STPG2: variants seen among roughly 807,000 people sequenced by gnomAD.
STPG2 encodes sperm-tail PG-rich repeat-containing protein 2.
In STPG2, 56 loss-of-function variants were observed where a neutral mutation model predicts 54.2. The ratio of observed to expected loss-of-function variants is 1.03; its 90% CI spans 0.83 to 1.29. STPG2 has a LOEUF of 1.29. Among genes scored for constraint, STPG2 ranks in the 50% most tolerant of loss-of-function variants. STPG2 has a pLI of 0.00. For missense variants in STPG2, 596 were observed against 544.9 expected (o/e 1.09, Z -0.93); for synonymous variants, 200 against 181.8 (o/e 1.10, Z -0.81).
chr4:97,557,344 C>A (rs1299740783), downstream of STPG2, among the ~76,000 whole-genome samples: 2 of 152,026 alleles, frequency 1.3e-5, no homozygotes, highest in East Asian at 3.9e-4. Context: ...GAAAGGGAGT[C>A]AAAACAGTCC....
chr4:97,975,935 C>G (rs1280083482), intron 6 of STPG2, among the ~76,000 whole-genome samples: 3 of 152,144 alleles, frequency 2.0e-5, no homozygotes, highest in African/African-American at 7.2e-5. Flanking sequence ...GGTAGAATCT[C>G]TTTTCTCATC....
Position 98,130,935 on chromosome 4 carries a change from AAAAACAAAAAAAAAAC to A in STPG2, c.223-2359_223-2344del, listed in dbSNP as rs969326190. Among the ~76,000 whole-genome samples, 10 of 146,334 alleles carry A rather than the reference AAAAACAAAAAAAAAAC, an allele frequency of 6.8e-5. 1 individual carries two copies. In the South Asian group the frequency reaches 1.1e-3, roughly 16 times the overall value. On this transcript the variant is annotated intron_variant, in intron 2 of 10. Coordinates refer to ENST00000295268, the MANE Select transcript of STPG2 (RefSeq NM_174952.3). ...AGACTCCGTCTCAAAAAAAAAAAAA[AAAAACAAAAAAAAAAC>A]GACTTTCCAAAATATAGCCCCTACC...
At chr4:97,968,253 C>T (rs907132636) in intron 7 of STPG2, among the ~76,000 whole-genome samples, 1 of 151,878 alleles carries the variant, frequency 6.6e-6, no homozygotes. Context: ...TTTTGAATCA[C>T]TGAATCGACC....
chr4:97,888,403 C>G (rs1730657562), intron 8 of STPG2, among the ~76,000 whole-genome samples: 1 of 152,194 alleles, frequency 6.6e-6, no homozygotes, highest in Non-Finnish European at 1.5e-5. Flanking sequence ...CCCCTTGCAC[C>G]AGTGTGCTCT....
chr4:97,861,404 T>A lies in STPG2; in HGVS notation c.1045-20472A>T, dbSNP rs377565846. Among the ~76,000 whole-genome samples, 14 of 152,206 alleles carry A rather than the reference T, an allele frequency of 9.2e-5. 1 individual carries two copies. The highest frequency in any genetic ancestry group is 3.4e-4 in the African/African-American group (14 of 41,548). ...TGGCCACTGTTGGTGGGAATGTAAA[T>A]TAGTACAACCACTTTGGAGAACAGC... On this transcript the variant is annotated intron_variant, in intron 8 of 10. Coordinates refer to ENST00000295268, the MANE Select transcript of STPG2 (RefSeq NM_174952.3).
At chr4:97,498,830 A>C (rs1730663644) in intron 4 of STPG2, among the ~76,000 whole-genome samples, 1 of 152,038 alleles carries the variant, frequency 6.6e-6, no homozygotes, top group Non-Finnish European at 1.5e-5. Flanking sequence ...CAAAATAAAA[A>C]AAAAGTAAAA....
chr4:97,896,769 T>C (rs1273474071), intron 8 of STPG2, among the ~76,000 whole-genome samples: 2 of 151,836 alleles, frequency 1.3e-5, no homozygotes, highest in Non-Finnish European at 2.9e-5. Context: ...GTTTATGATA[T>C]AGTCTTATTA....
chr4:97,628,675 G>T (rs1463308307), intron 10 of STPG2, among the ~76,000 whole-genome samples: 1 of 152,054 alleles, frequency 6.6e-6, no homozygotes, highest in Non-Finnish European at 1.5e-5. Context: ...GCAGAATTCA[G>T]TTATTACAGC....
intron 5 of STPG2, among the ~76,000 whole-genome samples, chr4:98,080,419 A>C (rs916264012): frequency 2.6e-5 from 4 of 152,138 alleles, no homozygotes; most frequent in Non-Finnish European, 2.9e-5. Flanking sequence ...GTAAAGACTT[A>C]AGATAACCTA....
chr4:97,863,488 G>A (rs1472163080), intron 8 of STPG2, among the ~76,000 whole-genome samples: 2 of 152,174 alleles, frequency 1.3e-5, no homozygotes, highest in African/African-American at 2.4e-5. Context: ...TCCAGGACCA[G>A]ATGGATTCAT....
intron 9 of STPG2, among the ~76,000 whole-genome samples, chr4:97,827,933 GAGAGGAATTT>G (rs1728313040): frequency 6.6e-6 from 1 of 152,052 alleles, no homozygotes; most frequent in East Asian, 1.9e-4. Flanking sequence ...ACCTCAAGAG[GAGAGGAATTT>G]ACCTAACTTA....
intron 5 of STPG2, among the ~76,000 whole-genome samples, chr4:98,040,865 A>T (rs1329863714): frequency 6.6e-6 from 1 of 151,816 alleles, no homozygotes; most frequent in Non-Finnish European, 1.5e-5. Flanking sequence ...GAAAAACGAC[A>T]TTGGTATTTT....
At chr4:98,108,013 T>C (rs913237066) in intron 4 of STPG2, among the ~76,000 whole-genome samples, 21 of 152,120 alleles carry the variant, frequency 1.4e-4, no homozygotes, top group Non-Finnish European at 2.6e-4. Flanking sequence ...CAAAGGTATA[T>C]ATTCCATATT....
intron 5 of STPG2, among the ~76,000 whole-genome samples, chr4:98,047,706 C>T (rs1737180184): frequency 6.6e-6 from 1 of 152,064 alleles, no homozygotes; most frequent in Non-Finnish European, 1.5e-5. Context: ...AGCTGAAGAC[C>T]TGGTTTTATT....
intron 8 of STPG2, among the ~76,000 whole-genome samples, chr4:97,933,327 G>A (rs1037883230): frequency 1.5e-4 from 23 of 152,182 alleles, no homozygotes; most frequent in African/African-American, 3.6e-4. Context: ...TGTTCACTCT[G>A]ATGAAAATTT....
chr4:97,539,097 T>G (rs1395270031), intron 4 of STPG2, among the ~76,000 whole-genome samples: 1 of 152,082 alleles, frequency 6.6e-6, no homozygotes, highest in African/African-American at 2.4e-5. Flanking sequence ...CATACCAAAT[T>G]GTAAAGACCA....
chr4:97,745,098 T>C (rs969338398), intron 9 of STPG2, among the ~76,000 whole-genome samples: 2 of 151,266 alleles, frequency 1.3e-5, no homozygotes, highest in Non-Finnish European at 3.0e-5. Context: ...CCACCAATGT[T>C]GTAAGAAGAG....
intron 8 of STPG2, among the ~76,000 whole-genome samples, chr4:97,894,158 T>C (rs1212741266): frequency 1.3e-5 from 2 of 151,972 alleles, no homozygotes; most frequent in Non-Finnish European, 2.9e-5. Context: ...AGATTTGTGG[T>C]AGGAATGAAT....
At chr4:97,735,832 A>G (rs955968062) in intron 9 of STPG2, among the ~76,000 whole-genome samples, 4 of 152,114 alleles carry the variant, frequency 2.6e-5, no homozygotes, top group Non-Finnish European at 5.9e-5. Flanking sequence ...TAAGGAACAC[A>G]TACAACTCAA....
Sources: allele counts gnomAD v4.1 joint callset (sites outside exome capture counted in the v4.1 genomes callset), GRCh38; gene constraint gnomAD v4.1.1; transcripts MANE v1.5; gene names NCBI Gene and HGNC (gene_info 2026-07-23, HGNC 2026-07-21).